The following EFCAB8 variants were observed in gnomAD, a reference collection of about 807,000 sequenced individuals.
EFCAB8 encodes EF-hand calcium-binding domain-containing protein 8.
In EFCAB8, 100 loss-of-function variants were observed where a neutral mutation model predicts 116.3. That is an observed-to-expected ratio of 0.86 (90% confidence interval 0.73 to 1.02). The LOEUF (loss-of-function observed/expected upper bound fraction) is 1.02, where lower values mean the gene tolerates loss of function less well. Ranked by LOEUF, EFCAB8 falls within the 50% of genes least tolerant of loss-of-function variation. The pLI is 0.00. For synonymous variants in EFCAB8, 558 were observed against 567.9 expected (o/e 0.98, Z 0.25); for missense variants, 1,320 against 1,416.9 (o/e 0.93, Z 1.10).
chr20:32,957,317 T>C (rs952306219), intron 23 of EFCAB8, among the ~76,000 whole-genome samples: 3 of 144,626 alleles, frequency 2.1e-5, no homozygotes, highest in Admixed American at 2.0e-4. Context: ...CAAAATAAAA[T>C]TAAAAAAAAA....
At chr20:32,863,607 T>G (rs1278416445) in intron 1 of EFCAB8, among the ~76,000 whole-genome samples, 176 bp from the exon 2 acceptor site, 2 of 152,116 alleles carry the variant, frequency 1.3e-5, no homozygotes, top group African/African-American at 4.8e-5. Context: ...GCTGGAGAAA[T>G]CTCTGGGAAA....
At chr20:32,957,776 G>C (rs1410086348) in intron 23 of EFCAB8, among the ~76,000 whole-genome samples, 1 of 149,996 alleles carries the variant, frequency 6.7e-6, no homozygotes, top group Non-Finnish European at 1.5e-5. Flanking sequence ...ACTCAGGAGT[G>C]CCCCCGAGAC....
At chr20:32,928,360 T>C (rs1420623232) in intron 20 of EFCAB8, among the ~76,000 whole-genome samples, 5 of 151,884 alleles carry the variant, frequency 3.3e-5, no homozygotes, top group Non-Finnish European at 5.9e-5. Context: ...CTCAGCCTCA[T>C]GGGTAGCTGG....
chr20:32,926,354 C>T (rs572750400), intron 20 of EFCAB8, among the ~76,000 whole-genome samples: 5 of 151,340 alleles, frequency 3.3e-5, no homozygotes, highest in East Asian at 1.9e-4. Context: ...GTTGTGTGCA[C>T]GTTAAATTTT....
intron 6 of EFCAB8, 131 bp downstream of exon 6, chr20:32,885,771 A>C: frequency 8.4e-7 from 1 of 1,190,504 alleles, no homozygotes; most frequent in Non-Finnish European, 1.2e-6. Context: ...CAGTCACAGC[A>C]CCTGGGTCCT....
intron 3 of EFCAB8, among the ~76,000 whole-genome samples, chr20:32,870,448 T>G (rs1334757115): frequency 1.3e-5 from 2 of 152,238 alleles, no homozygotes; most frequent in African/African-American, 4.8e-5. Context: ...ACCACCCATG[T>G]GCCCAGGTAT....
rs967666398 is a variant in EFCAB8, at chr20:32,867,739, C to T, written c.200C>T (p.Ser67Leu). 48 of 1,551,284 alleles carry T rather than the reference C, an allele frequency of 3.1e-5. 1 individual carries two copies. In the East Asian group the frequency reaches 4.9e-4, roughly 16 times the overall value. ...IEKMFEEDIN[S>L]TGALGMDAFI... ...AAAATGTTTGAGGAGGACATCAACT[C>T]GACTGGAGGTAAGGCCGCTCTGTAG... The change falls in exon 3 of 27, where the codon TCG becomes TTG. Residue 67 changes from serine to leucine, a missense_variant. Physicochemically the swap from Ser to Leu is moderately radical, Grantham distance 145. Coordinates refer to ENST00000400522, the MANE Select transcript of EFCAB8 (RefSeq NM_001143967.2).
chr20:32,913,801 TG>T (rs1987055428), intron 17 of EFCAB8, among the ~76,000 whole-genome samples: 1 of 152,350 alleles, frequency 6.6e-6, no homozygotes, highest in South Asian at 2.1e-4. Context: ...GGACAGGTCC[TG>T]AGCAAGTCAA....
intron 23 of EFCAB8, among the ~76,000 whole-genome samples, chr20:32,952,364 C>T (rs2146300956): frequency 6.6e-6 from 1 of 152,222 alleles, no homozygotes; most frequent in East Asian, 1.9e-4. Flanking sequence ...ATATTTTCTT[C>T]TATAAGTTTT....
At chr20:32,923,505 C>CACCACA (rs1300814578) in intron 20 of EFCAB8, among the ~76,000 whole-genome samples, 4 of 151,946 alleles carry the variant, frequency 2.6e-5, no homozygotes, top group Non-Finnish European at 5.9e-5. Context: ...CCACCACCAC[C>CACCACA]ACCTATGAAA....
At chr20:32,951,211 G>A (rs774579263) in intron 23 of EFCAB8, among the ~76,000 whole-genome samples, 6 of 152,140 alleles carry the variant, frequency 3.9e-5, no homozygotes, top group Non-Finnish European at 7.3e-5. Context: ...GCATATGCCC[G>A]GGTAAAGACT....
chr20:32,935,593 G>A (rs1009857057), intron 22 of EFCAB8, among the ~76,000 whole-genome samples: 3 of 151,962 alleles, frequency 2.0e-5, no homozygotes, highest in Non-Finnish European at 4.4e-5. Flanking sequence ...CACAACCTCC[G>A]CCTCCCAGGT....
chr20:32,909,991 A>G, intron 15 of EFCAB8, 60 bp downstream of exon 15: 1 of 872,410 alleles, frequency 1.1e-6, no homozygotes, highest in Admixed American at 4.3e-5. Context: ...ACGGGGCAGA[A>G]CCAGACCTCC....
At chr20:32,863,335 T>C (rs975368295) in intron 1 of EFCAB8, among the ~76,000 whole-genome samples, 1 of 152,178 alleles carries the variant, frequency 6.6e-6, no homozygotes, top group African/African-American at 2.4e-5. Context: ...AGTCCTGGCT[T>C]GCAAGGGCAC....
At position 32,938,683 on chromosome 20, in the gene EFCAB8, G is replaced by T. The variant is rs1017746890; in HGVS notation, c.2791-4953G>T. Among the ~76,000 whole-genome samples, 12 of 148,714 alleles carry T rather than the reference G, an allele frequency of 8.1e-5. 1 individual carries two copies. Among genetic ancestry groups the T allele is most frequent in the Middle Eastern group, 6.8e-3 (2 of 294 alleles). ...AAATTTAAAAATTTCACTTATAATC[G>T]CATCAAAAAAATACTTAGGAATAAA... On this transcript the variant is annotated intron_variant, in intron 22 of 26. Coordinates refer to ENST00000400522, the MANE Select transcript of EFCAB8 (RefSeq NM_001143967.2).
intron 10 of EFCAB8, among the ~76,000 whole-genome samples, chr20:32,897,541 T>C (rs1986220771): frequency 1.3e-5 from 2 of 151,866 alleles, no homozygotes; most frequent in Admixed American, 6.6e-5. Context: ...CTCCCGGGCT[T>C]AGGTGATCCT....
intron 21 of EFCAB8, among the ~76,000 whole-genome samples, chr20:32,930,837 G>T (rs973933024): frequency 6.6e-6 from 1 of 152,152 alleles, no homozygotes; most frequent in African/African-American, 2.4e-5. Context: ...GGAGAATTCC[G>T]TGCTCCATCA....
intron 20 of EFCAB8, among the ~76,000 whole-genome samples, chr20:32,922,483 T>A (rs924415174): frequency 2.0e-5 from 3 of 152,186 alleles, no homozygotes; most frequent in African/African-American, 7.2e-5. Flanking sequence ...ATCAAGCCCC[T>A]GACCTCTGGA....
At chr20:32,919,688 G>A (rs1365970534) in intron 19 of EFCAB8, among the ~76,000 whole-genome samples, 3 of 151,854 alleles carry the variant, frequency 2.0e-5, no homozygotes, top group Admixed American at 6.6e-5. Context: ...TATTGGAGAC[G>A]GGGTTTCACC....
Sources: allele counts gnomAD v4.1 joint callset (sites outside exome capture counted in the v4.1 genomes callset), GRCh38; gene constraint gnomAD v4.1.1; transcripts MANE v1.5; gene names NCBI Gene and HGNC (gene_info 2026-07-23, HGNC 2026-07-21).